The following MYBPHL variants were observed in gnomAD, a reference collection of about 807,000 sequenced individuals.
MYBPHL encodes myosin binding protein H like.
Under a neutral mutation model 39.5 loss-of-function variants are expected in MYBPHL, and 32 were observed. The ratio of observed to expected loss-of-function variants is 0.81; its 90% CI spans 0.61 to 1.09. The LOEUF (loss-of-function observed/expected upper bound fraction) is 1.09, where lower values mean the gene tolerates loss of function less well. Among genes scored for constraint, MYBPHL ranks in the 50% least tolerant of loss-of-function variants. The pLI is 0.00. For missense variants in MYBPHL, 456 were observed against 460.2 expected, an observed-to-expected ratio of 0.99 and a Z score of 0.08; for synonymous variants, 196 against 183.7, an observed-to-expected ratio of 1.07 and a Z score of -0.54.
intron 2 of MYBPHL, 142 bp downstream of exon 2, chr1:109,298,027 C>T (rs754996202): frequency 5.7e-5 from 40 of 704,148 alleles, no homozygotes; most frequent in Non-Finnish European, 9.1e-5. Flanking sequence ...GTCATTTGGC[C>T]TCAGACTTCT....
At chr1:109,294,770 C>CGAG (rs1557761276) in intron 7 of MYBPHL, among the ~76,000 whole-genome samples, 2 of 152,108 alleles carry the variant, frequency 1.3e-5, no homozygotes, top group South Asian at 2.1e-4. Context: ...ATGAGCTGAG[C>CGAG]GAGGACCCGG....
chr1:109,300,356 C>T (rs1264736759), intron 1 of MYBPHL, among the ~76,000 whole-genome samples: 1 of 152,210 alleles, frequency 6.6e-6, no homozygotes, highest in African/African-American at 2.4e-5. Flanking sequence ...ATAGTCAGGG[C>T]TTGGACAGTG....
chr1:109,302,955 A>G (rs1013274362), intron 1 of MYBPHL, among the ~76,000 whole-genome samples: 1 of 152,210 alleles, frequency 6.6e-6, no homozygotes, highest in Non-Finnish European at 1.5e-5. Flanking sequence ...GCTTTGAAGA[A>G]GTTAGATTTC....
chr1:109,306,961 C>G lies in MYBPHL; in HGVS notation c.31G>C (p.Ala11Pro). 2 of 1,610,376 alleles carry G rather than the reference C, an allele frequency of 1.2e-6. No individual in the cohort carries two copies. The highest frequency in any genetic ancestry group is 1.7e-6 in the Non-Finnish European group (2 of 1,178,406). Residue 11 changes from alanine to proline, a missense_variant, in exon 1 of 9, where the codon GCA (alanine) becomes CCA (proline). Physicochemically the swap from Ala to Pro is conservative, Grantham distance 27. Transcript: ENST00000357155. Reference sequence around the variant, plus strand: ...TCTTTCACCTTCAGCTTGGATCCTGCGGCCACCTCCGGAGCTGTGGCTGCC... The same window carrying G: ...TCTTTCACCTTCAGCTTGGATCCTGGGGCCACCTCCGGAGCTGTGGCTGCC... Reference protein sequence around the residue: MEAATAPEVAAGSKLKVKEAS... With the variant: MEAATAPEVAPGSKLKVKEAS...
At chr1:109,296,713 A>G in intron 5 of MYBPHL, 70 bp downstream of exon 5, 1 of 1,577,614 alleles carries the variant, frequency 6.3e-7, no homozygotes, top group Non-Finnish European at 8.7e-7. Flanking sequence ...TGCTGGAATT[A>G]GAGGCGTGAG....
intron 1 of MYBPHL, among the ~76,000 whole-genome samples, chr1:109,298,590 C>T (rs959420564): frequency 1.3e-5 from 2 of 152,174 alleles, no homozygotes; most frequent in Non-Finnish European, 2.9e-5. Flanking sequence ...TGTTTGTGTA[C>T]AGACCAGCCT....
intron 1 of MYBPHL, among the ~76,000 whole-genome samples, chr1:109,300,757 CCGCGAGAGCAAGGAAGGAGG>C (rs1658248501): frequency 1.3e-5 from 2 of 148,200 alleles, no homozygotes; most frequent in African/African-American, 5.3e-5. Context: ...AGGAGGCTGC[CCGCGAGAGCAAGGAAGGAGG>C]CTGCCCGCGA....
chr1:109,296,443 T>A (rs1658067619), intron 5 of MYBPHL, 73 bp from the exon 6 acceptor site: 32 of 863,192 alleles, frequency 3.7e-5, no homozygotes, highest in Non-Finnish European at 4.8e-5. Context: ...TCCTTAGTAT[T>A]TTTTTTTTTT....
chr1:109,300,444 G>A (rs1658240297), intron 1 of MYBPHL, among the ~76,000 whole-genome samples: 1 of 152,232 alleles, frequency 6.6e-6, no homozygotes, highest in Admixed American at 6.5e-5. Flanking sequence ...GTTGAGGTGG[G>A]GAGAGGAACC....
Position 109,297,171 on chromosome 1 carries a change from T to G in MYBPHL, c.449A>C (p.Gln150Pro), listed in dbSNP as rs776844669. ...ILVIERPGPPQSIKLVDVWGF... is the reference protein window; with the variant it reads ...ILVIERPGPPPSIKLVDVWGF... ...CCAAACGTCCACCAGCTTAATACTC[T>G]GAGGAGGGCCTGGCCTCTCTGAAAG... The change falls in exon 4 of 9, where the codon CAG becomes CCG. Residue 150 changes from glutamine (Q) to proline (P), a missense_variant. Coordinates refer to ENST00000357155, the MANE Select transcript of MYBPHL (RefSeq NM_001010985.3). The G allele has an allele frequency of 6.2e-7, 1 of 1,614,174 alleles. No homozygotes were observed. The highest frequency in any genetic ancestry group is 8.5e-7 in the Non-Finnish European group (1 of 1,180,022).
At chr1:109,294,125 A>C in intron 8 of MYBPHL, 81 bp downstream of exon 8, 1 of 941,972 alleles carries the variant, frequency 1.1e-6, no homozygotes, top group Non-Finnish European at 1.7e-6. Context: ...AGGCTCAGGA[A>C]TGCACCTCTG....
At position 109,296,913 on chromosome 1, in the gene MYBPHL, G is replaced by A; in HGVS notation, c.600C>T (p.His200=). Residue 200 remains histidine, a synonymous_variant, in exon 5 of 9, where the codon CAC becomes CAT. Coordinates refer to ENST00000357155, the MANE Select transcript of MYBPHL (RefSeq NM_001010985.3). ...GGTCAGAGACGATGCAGCTGGTGCG[G>A]TGATAGTGCTCCAGCACCGTGAACC... is the stretch of plus-strand genomic sequence containing the variant. ...GLWFTVLEHY[H]RTSCIVSDLI... 4 of 1,614,170 alleles carry A rather than the reference G, an allele frequency of 2.5e-6. No homozygotes were observed. Among genetic ancestry groups the A allele is most frequent in the Middle Eastern group, 1.6e-4 (1 of 6,062 alleles).
chr1:109,305,661 T>G (rs2101493652), intron 1 of MYBPHL, among the ~76,000 whole-genome samples: 1 of 152,324 alleles, frequency 6.6e-6, no homozygotes, highest in Middle Eastern at 3.4e-3. Context: ...CCCAGCTTAA[T>G]ATATTTACAC....
chr1:109,294,748 G>A (rs779704429), intron 7 of MYBPHL, among the ~76,000 whole-genome samples: 45 of 152,262 alleles, frequency 3.0e-4, no homozygotes, highest in Middle Eastern at 6.8e-3. Context: ...AGATTGCACA[G>A]CATAAAGAAA....
chr1:109,294,616 T>C (rs189316258), intron 7 of MYBPHL, among the ~76,000 whole-genome samples: 23 of 152,312 alleles, frequency 1.5e-4, no homozygotes, highest in Middle Eastern at 3.4e-3. Flanking sequence ...GTGACAGGTA[T>C]AGATAAGTGA....
intron 1 of MYBPHL, among the ~76,000 whole-genome samples, chr1:109,301,380 G>C (rs1658271285): frequency 6.6e-6 from 1 of 152,148 alleles, no homozygotes. Flanking sequence ...TTCTGAGTTA[G>C]GCTCTCTCTG....
chr1:109,297,316 A>T, intron 3 of MYBPHL, 106 bp downstream of exon 3: 10 of 1,559,500 alleles, frequency 6.4e-6, no homozygotes, highest in Non-Finnish European at 7.9e-6. Flanking sequence ...CCCAGACATG[A>T]CGTGGGAGCC....
intron 1 of MYBPHL, 118 bp from the exon 2 acceptor site, chr1:109,298,375 A>T (rs1658164223): frequency 1.2e-6 from 1 of 842,092 alleles, no homozygotes; most frequent in African/African-American, 1.7e-5. Context: ...AGCCCTTCTT[A>T]GAGGGGAGGG....
Position 109,297,074 on chromosome 1 carries a change from C to T in MYBPHL, c.546G>A (p.Val182=). The T allele has an allele frequency of 6.2e-7, 1 of 1,614,186 alleles. No individual in the cohort carries two copies. Among genetic ancestry groups the T allele is most frequent in the Non-Finnish European group, 8.5e-7 (1 of 1,180,034 alleles). Residue 182 remains valine, a synonymous_variant, in exon 4 of 9, where the codon GTG becomes GTA. Transcript: ENST00000357155. ...CCCCGGATTTTGTGTCAGCCTTCTG[C>T]ACCGTGTATCCCAGAAGTGCTGTAT... ...TGNTALLGYT[V]QKADTKSGLW...
Sources: gnomAD v4.1 joint callset for allele counts (sites outside exome capture counted in the v4.1 genomes callset) on GRCh38, gnomAD v4.1.1 for gene constraint, MANE v1.5 for transcripts, NCBI Gene and HGNC (gene_info 2026-07-23, HGNC 2026-07-21) for gene names.